Variants in MAGEB16 observed in about 807,000 individuals in gnomAD.
MAGEB16 encodes the protein melanoma-associated antigen B16.
For synonymous variants in MAGEB16, 95 were observed against 92.1 expected (o/e 1.03, Z -0.18); for missense variants, 217 against 234.0 (o/e 0.93, Z 0.47).
At position 35,802,778 on chromosome X, in the gene MAGEB16, G is replaced by C. The variant is rs759254477; in HGVS notation, c.582G>C (p.Leu194=). ...TGGGCCTCACCTATGATGGGATGCTGAGTGGTGAAAAGGGTGTGCCCAAGA... is the reference window on the plus strand; with the variant it reads ...TGGGCCTCACCTATGATGGGATGCTCAGTGGTGAAAAGGGTGTGCCCAAGA... Residue 194 remains leucine (L), a synonymous_variant, in exon 2 of 2, where the codon CTG becomes CTC. Coordinates refer to ENST00000399988, the Ensembl canonical transcript of MAGEB16. The C allele has an allele frequency of 6.6e-6, 8 of 1,209,491 alleles. No individual in the cohort carries two copies. The South Asian group carries it at 1.2e-4, about 19-fold the overall frequency.
chrX:35,799,987 C>T (rs1352302894), intron 1 of MAGEB16, among the ~76,000 whole-genome samples: 1 of 111,098 alleles, frequency 9.0e-6, no homozygotes, highest in Non-Finnish European at 1.9e-5. Flanking sequence ...TTAAATGATT[C>T]AAAGTAAGGA....
At chrX:35,803,213 T>G (rs772471396) in exon 2 of MAGEB16, 299 of 1,091,390 alleles carry the variant, frequency 2.7e-4, no homozygotes, top group Non-Finnish European at 3.5e-4. Flanking sequence ...TGAGTTCCAG[T>G]GCTATGTCTG....
At chrX:35,800,497 G>A (rs1934852971) in intron 1 of MAGEB16, 1 of 522,829 alleles carries the variant, frequency 1.9e-6, no homozygotes, top group Non-Finnish European at 3.5e-6. Flanking sequence ...AGGGAGATGA[G>A]ATTTTTCTTT....
At chrX:35,801,558 C>A (rs1934862408) in intron 1 of MAGEB16, among the ~76,000 whole-genome samples, 1 of 111,824 alleles carries the variant, frequency 8.9e-6, no homozygotes, top group African/African-American at 3.3e-5. Flanking sequence ...GGAGGTGGAA[C>A]CTTTTGTCTG....
At chrX:35,800,419 C>G in intron 1 of MAGEB16, 3 of 503,579 alleles carry the variant, frequency 6.0e-6, no homozygotes, top group Admixed American at 5.5e-5. Flanking sequence ...TAAGGGGTAC[C>G]GAGAGGTTAG....
chrX:35,803,402 T>C (rs1335170844), exon 2 of MAGEB16: 1 of 314,831 alleles, frequency 3.2e-6, no homozygotes, highest in African/African-American at 2.7e-5. Context: ...TTTTAATGGC[T>C]ATATTATTCA....
intron 1 of MAGEB16, among the ~76,000 whole-genome samples, chrX:35,801,910 A>G (rs1232277880): frequency 2.7e-5 from 3 of 112,345 alleles, no homozygotes; most frequent in Non-Finnish European, 5.6e-5. Context: ...ACAAGTGTCT[A>G]CTGTGAACCT....
chrX:35,801,849 A>G (rs946049124), intron 1 of MAGEB16, among the ~76,000 whole-genome samples: 2 of 112,509 alleles, frequency 1.8e-5, no homozygotes, highest in Non-Finnish European at 3.8e-5. Context: ...CTGGCCATCA[A>G]CTGATGACAT....
chrX:35,803,132 T>C, exon 2 of MAGEB16: 1 of 1,196,239 alleles, frequency 8.4e-7, no homozygotes, highest in Non-Finnish European at 1.1e-6. Flanking sequence ...ATGCGGAAGC[T>C]CTGAAAGAGG....
exon 2 of MAGEB16, chrX:35,803,303 G>A: frequency 1.5e-6 from 1 of 688,935 alleles, no homozygotes; most frequent in Non-Finnish European, 2.1e-6. Context: ...GTTCAAGGAT[G>A]CAGGTCCAGG....
intron 1 of MAGEB16, among the ~76,000 whole-genome samples, chrX:35,800,299 T>C (rs776073472): frequency 9.0e-6 from 1 of 111,232 alleles, no homozygotes; most frequent in African/African-American, 3.3e-5. Flanking sequence ...CCCTTGGAAG[T>C]CCAAGGCAGG....
At chrX:35,800,452 G>A (rs1001923187) in intron 1 of MAGEB16, 4 of 522,430 alleles carry the variant, frequency 7.7e-6, no homozygotes, top group South Asian at 7.4e-5. Flanking sequence ...ACTTAAGACT[G>A]AGAGATGTCT....
chrX:35,803,267 T>G, exon 2 of MAGEB16: 1 of 949,406 alleles, frequency 1.1e-6, no homozygotes, highest in Non-Finnish European at 1.4e-6. Flanking sequence ...AGATGTTTTA[T>G]GTAACATTTG....
intron 1 of MAGEB16, chrX:35,800,592 A>C (rs987694860): frequency 3.8e-6 from 2 of 525,365 alleles, no homozygotes; most frequent in Non-Finnish European, 7.0e-6. Flanking sequence ...GTGAGGTCTC[A>C]GGGAACCACC....
At chrX:35,803,356 T>G (rs1934884480) in exon 2 of MAGEB16, 2 of 369,344 alleles carry the variant, frequency 5.4e-6, no homozygotes, top group Admixed American at 1.0e-4. Flanking sequence ...TATATCCCTA[T>G]TTTGTATGTG....
chrX:35,801,275 C>T (rs1934860077), intron 1 of MAGEB16: 1 of 111,796 alleles, frequency 8.9e-6, no homozygotes, highest in African/African-American at 3.3e-5. Flanking sequence ...ACTGTGAATC[C>T]CCAGTAATTG....
exon 2 of MAGEB16, chrX:35,803,392 T>A (rs1290228038): frequency 3.0e-6 from 1 of 331,647 alleles, no homozygotes; most frequent in Non-Finnish European, 5.4e-6. Flanking sequence ...TTCTTTTATT[T>A]TTTAATGGCT....
At position 35,802,428 on chromosome X, in the gene MAGEB16, A is replaced by G. The variant is rs1344545918; in HGVS notation, c.232A>G (p.Thr78Ala). 1 of 1,206,696 alleles carries G rather than the reference A, an allele frequency of 8.3e-7. No homozygotes were observed. Among genetic ancestry groups the G allele is most frequent in the Admixed American group, 2.2e-5 (1 of 45,378 alleles). ...CTCCTCTTCCATTGCCGTCACAACC[A>G]CCTCATCAAGTGAATCTGATGAGGC... Residue 78 changes from threonine to alanine, a missense_variant, in exon 2 of 2, where the codon ACC (threonine) becomes GCC (alanine). Transcript: ENST00000399988.
intron 1 of MAGEB16, chrX:35,800,604 A>G: frequency 1.9e-6 from 1 of 525,132 alleles, no homozygotes; most frequent in East Asian, 3.6e-5. Flanking sequence ...GGAACCACCC[A>G]TCCCAGATAA....
Sources: allele counts gnomAD v4.1 joint callset (sites outside exome capture counted in the v4.1 genomes callset), GRCh38; gene constraint gnomAD v4.1.1; transcripts MANE v1.5; gene names NCBI Gene and HGNC (gene_info 2026-07-23, HGNC 2026-07-21).